Variants in OPCML observed in about 807,000 individuals in gnomAD.
OPCML encodes the protein opioid-binding protein/cell adhesion molecule.
OPCML carries 13 observed loss-of-function variants against 37.8 expected under a neutral mutation model. The observed-to-expected ratio is 0.34, with a 90% CI of 0.22 to 0.55. The LOEUF is 0.55. OPCML is among the 20% of genes least tolerant of loss of function. The pLI is 0.91. For synonymous variants in OPCML, 176 were observed against 168.8 expected (o/e 1.04, Z -0.33); for missense variants, 341 against 435.6 (o/e 0.78, Z 1.93).
intron 3 of OPCML, among the ~76,000 whole-genome samples, chr11:132,585,790 C>A (rs1283517154): frequency 6.6e-6 from 1 of 152,208 alleles, no homozygotes; most frequent in Admixed American, 6.5e-5. Context: ...AACTTACCAT[C>A]TCTTGCCCAG....
At chr11:132,544,691 A>G (rs7941822) in intron 3 of OPCML, among the ~76,000 whole-genome samples, 96,206 of 152,012 alleles carry the variant, frequency 0.63, 32,563 homozygotes, top group African/African-American at 0.87. Context: ...AGTGCTTTCA[A>G]CTACAAAAGA....
intron 3 of OPCML, 91 bp downstream of exon 3, chr11:132,656,996 T>A (rs951252178): frequency 6.5e-7 from 1 of 1,532,180 alleles, no homozygotes. Flanking sequence ...ATGACTTTTG[T>A]GTCTTCGCAC....
intron 1 of OPCML, chr11:133,298,903 A>T (rs1244278412): frequency 6.6e-6 from 1 of 152,164 alleles, no homozygotes; most frequent in African/African-American, 2.4e-5. Flanking sequence ...AAGAGGAAAC[A>T]GTCAACTTTC....
chr11:132,861,850 A>C (rs539209956), intron 2 of OPCML, among the ~76,000 whole-genome samples: 27 of 152,032 alleles, frequency 1.8e-4, no homozygotes, highest in East Asian at 7.7e-4. Flanking sequence ...AAAAAAAAAA[A>C]AAAAAACAAA....
At chr11:132,657,691 T>C (rs1941775377) in intron 2 of OPCML, among the ~76,000 whole-genome samples, 1 of 152,150 alleles carries the variant, frequency 6.6e-6, no homozygotes, top group Non-Finnish European at 1.5e-5. Context: ...AGAGAGTGGA[T>C]CAGCATTTCA....
chr11:132,475,550 G>C (rs910677127), intron 4 of OPCML, among the ~76,000 whole-genome samples: 1 of 152,154 alleles, frequency 6.6e-6, no homozygotes, highest in Admixed American at 6.5e-5. Context: ...CACACAAAGA[G>C]ACACCAGAGA....
At chr11:132,496,767 C>T (rs1592266199) in intron 4 of OPCML, among the ~76,000 whole-genome samples, 2 of 152,128 alleles carry the variant, frequency 1.3e-5, no homozygotes, top group Admixed American at 1.3e-4. Context: ...AGTCTCAACC[C>T]AATATTACAA....
At chr11:133,156,104 C>T (rs972644354) in intron 1 of OPCML, among the ~76,000 whole-genome samples, 6 of 152,198 alleles carry the variant, frequency 3.9e-5, no homozygotes, top group Admixed American at 2.0e-4. Context: ...TATCACTCCC[C>T]TCCTTACACA....
At chr11:132,556,485 G>T (rs1268210581) in intron 3 of OPCML, among the ~76,000 whole-genome samples, 1 of 152,120 alleles carries the variant, frequency 6.6e-6, no homozygotes, top group African/African-American at 2.4e-5. Context: ...TACAAATGAG[G>T]AAATTGGGGT....
intron 1 of OPCML, among the ~76,000 whole-genome samples, chr11:133,477,650 T>C (rs1201240239): frequency 6.6e-6 from 1 of 152,210 alleles, no homozygotes; most frequent in African/African-American, 2.4e-5. Context: ...GGACCTGGGA[T>C]GTCCTTGGCA....
At chr11:133,360,358 C>T (rs546646869) in intron 1 of OPCML, 2 of 152,356 alleles carry the variant, frequency 1.3e-5, no homozygotes, top group South Asian at 4.1e-4. Context: ...ACGCGAGATT[C>T]CATGCCATTC....
chr11:132,841,446 G>C (rs1941282398), intron 2 of OPCML, among the ~76,000 whole-genome samples: 1 of 152,110 alleles, frequency 6.6e-6, no homozygotes, highest in Non-Finnish European at 1.5e-5. Flanking sequence ...AGGCCCAGGG[G>C]GGTTAAAAAT....
intron 1 of OPCML, among the ~76,000 whole-genome samples, chr11:133,397,332 A>G (rs1044515894): frequency 6.6e-6 from 1 of 152,216 alleles, no homozygotes; most frequent in African/African-American, 2.4e-5. Context: ...ATTCTCAAGC[A>G]CCAATAAGAT....
At chr11:133,248,780 A>G (rs1941034889) in intron 1 of OPCML, among the ~76,000 whole-genome samples, 1 of 152,236 alleles carries the variant, frequency 6.6e-6, no homozygotes, top group Non-Finnish European at 1.5e-5. Flanking sequence ...CATGGGCCAC[A>G]GAAAGAGGGA....
chr11:132,942,898 C>T (rs753736666), intron 2 of OPCML, 28 bp downstream of exon 2: 5 of 1,612,990 alleles, frequency 3.1e-6, no homozygotes, highest in African/African-American at 1.3e-5. Context: ...CCCAGGGGCT[C>T]GGCCCCCGCG....
At chr11:132,950,021 A>T (rs1945824698) in intron 1 of OPCML, among the ~76,000 whole-genome samples, 1 of 152,170 alleles carries the variant, frequency 6.6e-6, no homozygotes, top group Non-Finnish European at 1.5e-5. Flanking sequence ...GAGCAAACAA[A>T]CACCATAGAG....
chr11:132,931,904 C>T (rs1015461445), intron 2 of OPCML, among the ~76,000 whole-genome samples: 5 of 152,094 alleles, frequency 3.3e-5, no homozygotes, highest in South Asian at 4.1e-4. Flanking sequence ...AATAAACAAA[C>T]GTGGCCTATA....
intron 2 of OPCML, among the ~76,000 whole-genome samples, chr11:132,732,608 A>G (rs1207315614): frequency 1.3e-5 from 2 of 152,148 alleles, no homozygotes; most frequent in African/African-American, 4.8e-5. Context: ...AACAGTGAGG[A>G]AAAAAGCTGG....
At position 132,441,158 on chromosome 11, in the gene OPCML, C is replaced by CTTTTTTTTTTTTTTTT. The variant is rs749099654; in HGVS notation, c.506-3800_506-3799insAAAAAAAAAAAAAAAA. Reference sequence around the variant, plus strand: ...ATTCTGAAGATGTGTTCACCAAGGACTTTTTTGTTTTTTTTTTTTTTTTTT... The same window carrying CTTTTTTTTTTTTTTTT: ...ATTCTGAAGATGTGTTCACCAAGGACTTTTTTTTTTTTTTTTTTTTTTGTTTTTTTTTTTTTTTTTT... On this transcript the variant is annotated intron_variant, in intron 4 of 7. Transcript: ENST00000524381. Among the ~76,000 whole-genome samples the CTTTTTTTTTTTTTTTT allele has an allele frequency of 2.1e-3, 232 of 108,016 alleles. 18 individuals are homozygous for CTTTTTTTTTTTTTTTT. The highest frequency in any genetic ancestry group is 4.7e-3 in the African/African-American group (107 of 22,758). The allele number at this position is 108,016 out of a possible 152,430, so 70.9% of individuals were successfully genotyped here. A position where few individuals can be genotyped will look rare whatever the true frequency, so the allele number is the denominator to read the frequency against.
Sources: allele counts gnomAD v4.1 joint callset (sites outside exome capture counted in the v4.1 genomes callset), GRCh38; gene constraint gnomAD v4.1.1; transcripts MANE v1.5; gene names NCBI Gene and HGNC (gene_info 2026-07-23, HGNC 2026-07-21).